The following ANKS1B variants were observed in gnomAD, a reference collection of about 807,000 sequenced individuals.
The protein encoded by ANKS1B is ankyrin repeat and sterile alpha motif domain containing 1B.
In ANKS1B, 36 loss-of-function variants were observed where a neutral mutation model predicts 148.3. The observed-to-expected ratio is 0.24, with a 90% CI of 0.19 to 0.32. ANKS1B has a LOEUF of 0.32. Among genes scored for constraint, ANKS1B ranks in the 10% least tolerant of loss-of-function variants. The pLI is 1.00. For synonymous variants in ANKS1B, 542 were observed against 560.8 expected (o/e 0.97, Z 0.47); for missense variants, 1,157 against 1,542.6 (o/e 0.75, Z 4.19).
chr12:99,785,312 T>C (rs2064898469), intron 4 of ANKS1B, among the ~76,000 whole-genome samples: 1 of 151,664 alleles, frequency 6.6e-6, no homozygotes, highest in Non-Finnish European at 1.5e-5. Flanking sequence ...TTCAATTGAA[T>C]AGTGTCAAGG....
intron 15 of ANKS1B, among the ~76,000 whole-genome samples, chr12:99,107,161 T>C (rs1490530481): frequency 6.6e-6 from 1 of 151,944 alleles, no homozygotes; most frequent in African/African-American, 2.4e-5. Flanking sequence ...TATTAAGATG[T>C]AATATAATTT....
At chr12:98,770,308 C>T (rs772173278) in intron 25 of ANKS1B, among the ~76,000 whole-genome samples, 9 of 152,190 alleles carry the variant, frequency 5.9e-5, no homozygotes, top group Non-Finnish European at 1.2e-4. Flanking sequence ...TGACATCAAT[C>T]CAACCCCTAT....
intron 10 of ANKS1B, among the ~76,000 whole-genome samples, chr12:99,456,869 C>T (rs1442126748): frequency 2.0e-5 from 3 of 152,052 alleles, no homozygotes; most frequent in Non-Finnish European, 4.4e-5. Context: ...TAGAGAAAAA[C>T]TTTCCCAGCC....
intron 8 of ANKS1B, among the ~76,000 whole-genome samples, chr12:99,665,898 TTAAGA>T (rs1276298235): frequency 9.9e-5 from 15 of 152,218 alleles, no homozygotes; most frequent in East Asian, 3.8e-4. Flanking sequence ...TAACACAAAG[TTAAGA>T]TATTTTCCTA....
At chr12:99,939,819 T>C (rs187665157) in intron 1 of ANKS1B, among the ~76,000 whole-genome samples, 31 of 152,336 alleles carry the variant, frequency 2.0e-4, no homozygotes, top group Non-Finnish European at 3.8e-4. Context: ...TAATGAAATT[T>C]TCTCCTTTGT....
intron 9 of ANKS1B, among the ~76,000 whole-genome samples, chr12:99,569,808 G>C (rs2153221363): frequency 6.6e-6 from 1 of 152,290 alleles, no homozygotes. Context: ...TGTTGAGCCA[G>C]CCTGCCAGTT....
intron 25 of ANKS1B, among the ~76,000 whole-genome samples, chr12:98,760,365 C>T (rs1483274546): frequency 6.6e-6 from 1 of 152,094 alleles, no homozygotes; most frequent in Non-Finnish European, 1.5e-5. Flanking sequence ...CCCAGGCTCA[C>T]ATGATCCTCT....
At chr12:99,651,364 A>T (rs2098418112) in intron 9 of ANKS1B, among the ~76,000 whole-genome samples, 1 of 152,168 alleles carries the variant, frequency 6.6e-6, no homozygotes. Context: ...AAAATTTAAA[A>T]ATAAAACAAT....
chr12:99,231,215 G>A (rs1041075337), intron 14 of ANKS1B, among the ~76,000 whole-genome samples: 3 of 152,098 alleles, frequency 2.0e-5, no homozygotes, highest in African/African-American at 7.2e-5. Flanking sequence ...TGTGTTTTGG[G>A]AGGGCTGTGG....
At chr12:99,639,298 T>C (rs13377618) in intron 9 of ANKS1B, among the ~76,000 whole-genome samples, 2,457 of 152,314 alleles carry the variant, frequency 0.016, 64 homozygotes, top group African/African-American at 0.056. Flanking sequence ...GTATCCCCAT[T>C]GTATACAGGA....
chr12:98,934,013 G>GTTT (rs1470012258), intron 17 of ANKS1B, among the ~76,000 whole-genome samples: 2 of 151,954 alleles, frequency 1.3e-5, no homozygotes, highest in Admixed American at 1.3e-4. Flanking sequence ...TTATTTTGAT[G>GTTT]TAGTCCTACT....
chr12:98,932,996 C>T (rs527935218), intron 17 of ANKS1B, among the ~76,000 whole-genome samples: 10 of 152,252 alleles, frequency 6.6e-5, no homozygotes, highest in Middle Eastern at 3.4e-3. Context: ...ACTTAACATG[C>T]GATCTACCTC....
intron 1 of ANKS1B, among the ~76,000 whole-genome samples, chr12:99,865,442 G>C (rs555118849): frequency 3.2e-4 from 49 of 152,264 alleles, no homozygotes; most frequent in African/African-American, 1.2e-3. Context: ...CACAGTGTTT[G>C]AAGAAGTGCA....
chr12:99,716,761 G>A (rs375504590), intron 8 of ANKS1B, among the ~76,000 whole-genome samples: 3 of 151,614 alleles, frequency 2.0e-5, no homozygotes, highest in Non-Finnish European at 2.9e-5. Flanking sequence ...TTTCCCTCCC[G>A]CCTGTCCCCT....
intron 12 of ANKS1B, among the ~76,000 whole-genome samples, chr12:99,283,529 G>A (rs12309017): frequency 2.6e-5 from 4 of 151,986 alleles, no homozygotes; most frequent in African/African-American, 9.7e-5. Context: ...GGGAGGATGA[G>A]TTCTTTATCA....
intron 12 of ANKS1B, among the ~76,000 whole-genome samples, chr12:99,262,561 C>T (rs2076031359): frequency 6.6e-6 from 1 of 152,004 alleles, no homozygotes; most frequent in Admixed American, 6.6e-5. Flanking sequence ...GAAAGACACT[C>T]ATAATTCCAA....
At chr12:99,058,010 A>T (rs567469135) in intron 16 of ANKS1B, among the ~76,000 whole-genome samples, 1 of 152,288 alleles carries the variant, frequency 6.6e-6, no homozygotes, top group Admixed American at 6.5e-5. Context: ...TGAACTACTG[A>T]AATTTTGATT....
chr12:99,045,232 TA>T (rs112182922), intron 17 of ANKS1B, among the ~76,000 whole-genome samples: 1,724 of 152,350 alleles, frequency 0.011, 45 homozygotes, highest in East Asian at 0.093. Flanking sequence ...TCTAATTCAG[TA>T]GATACCCTCA....
chr12:99,948,998 C>T (rs1387025450), intron 1 of ANKS1B, among the ~76,000 whole-genome samples: 2 of 152,110 alleles, frequency 1.3e-5, no homozygotes, highest in African/African-American at 2.4e-5. Flanking sequence ...TGAGGTTGAG[C>T]TATATTAATT....
Sources: gnomAD v4.1 joint callset for allele counts (sites outside exome capture counted in the v4.1 genomes callset) on GRCh38, gnomAD v4.1.1 for gene constraint, MANE v1.5 for transcripts, NCBI Gene and HGNC (gene_info 2026-07-23, HGNC 2026-07-21) for gene names.